The following FAM107B variants were observed in gnomAD, a reference collection of about 807,000 sequenced individuals.
FAM107B encodes the protein protein FAM107B.
FAM107B carries 21 observed loss-of-function variants against 31.5 expected under a neutral mutation model. The observed-to-expected ratio is 0.67, with a 90% CI of 0.47 to 0.96. FAM107B has a LOEUF of 0.96. Among genes scored for constraint, FAM107B ranks in the 40% least tolerant of loss-of-function variants. The pLI, the probability that FAM107B is intolerant of heterozygous loss-of-function variation, is 0.00. For synonymous variants in FAM107B, 157 were observed against 141.5 expected (o/e 1.11, Z -0.78); for missense variants, 452 against 377.1 (o/e 1.20, Z -1.64).
intron 2 of FAM107B, among the ~76,000 whole-genome samples, chr10:14,628,112 G>GTTTTTTTTTGTTTTGTTTT (rs58879328): frequency 1.1e-5 from 1 of 92,686 alleles, no homozygotes; most frequent in East Asian, 4.4e-4. Flanking sequence ...TGTTTTGCTG[G>GTTTTTTTTTGTTTTGTTTT]TTTTTTTTTT....
intron 2 of FAM107B, among the ~76,000 whole-genome samples, chr10:14,533,426 C>G (rs1407887914): frequency 2.0e-5 from 3 of 152,142 alleles, no homozygotes; most frequent in Non-Finnish European, 4.4e-5. Flanking sequence ...GCAAGTGGAT[C>G]TAGGACGTGT....
At chr10:14,738,694 A>G (rs1006669420) in intron 1 of FAM107B, among the ~76,000 whole-genome samples, 1 of 152,160 alleles carries the variant, frequency 6.6e-6, no homozygotes. Context: ...TCCAGACATT[A>G]CCCCTGACAC....
chr10:14,748,735 A>G (rs1445342958), intron 1 of FAM107B, among the ~76,000 whole-genome samples: 1 of 152,206 alleles, frequency 6.6e-6, no homozygotes, highest in Non-Finnish European at 1.5e-5. Flanking sequence ...TGGTCCCTGG[A>G]TGTCAGCCCA....
chr10:14,568,443 TC>T (rs1199811996), intron 2 of FAM107B, among the ~76,000 whole-genome samples: 4 of 20,616 alleles, frequency 1.9e-4, no homozygotes, highest in Non-Finnish European at 2.4e-4. Context: ...GTGAAGATAC[TC>T]AGGTAAGAGG....
intron 3 of FAM107B, among the ~76,000 whole-genome samples, chr10:14,525,868 A>G (rs959146661): frequency 3.3e-5 from 5 of 152,214 alleles, no homozygotes; most frequent in African/African-American, 1.2e-4. Context: ...AAAAGGCTGC[A>G]ATGATTTATA....
At chr10:14,708,457 T>C (rs1855568961) in intron 1 of FAM107B, among the ~76,000 whole-genome samples, 1 of 152,164 alleles carries the variant, frequency 6.6e-6, no homozygotes, top group African/African-American at 2.4e-5. Flanking sequence ...CAGACAGTCA[T>C]CTGCAGTGAA....
At chr10:14,748,546 A>C (rs1554755814) in intron 1 of FAM107B, among the ~76,000 whole-genome samples, 1 of 152,250 alleles carries the variant, frequency 6.6e-6, no homozygotes, top group Non-Finnish European at 1.5e-5. Context: ...CTGAATGGGA[A>C]GCTAGCAGCT....
chr10:14,558,894 GA>G (rs775963766), intron 2 of FAM107B, among the ~76,000 whole-genome samples: 4 of 150,992 alleles, frequency 2.6e-5, no homozygotes, highest in Non-Finnish European at 5.9e-5. Flanking sequence ...AAACGCAGGA[GA>G]AAAAAAAACT....
At chr10:14,589,834 TA>T (rs539498544) in intron 2 of FAM107B, among the ~76,000 whole-genome samples, 1 of 151,684 alleles carries the variant, frequency 6.6e-6, no homozygotes, top group African/African-American at 2.4e-5. Flanking sequence ...TTTTAAAAAT[TA>T]AAAAAAAGAA....
chr10:14,667,830 G>A (rs1854444804), intron 1 of FAM107B, 139 bp from the exon 2 acceptor site: 2 of 808,758 alleles, frequency 2.5e-6, no homozygotes, highest in East Asian at 5.3e-5. Context: ...AAAGAACTGA[G>A]GTTTTGGACA....
intron 1 of FAM107B, among the ~76,000 whole-genome samples, chr10:14,757,141 T>C (rs1832946860): frequency 6.6e-6 from 1 of 152,162 alleles, no homozygotes; most frequent in Non-Finnish European, 1.5e-5. Flanking sequence ...TCTGCACTTG[T>C]AACCCTAAAC....
At chr10:14,528,809 T>G (rs1846616952) in intron 3 of FAM107B, among the ~76,000 whole-genome samples, 1 of 152,214 alleles carries the variant, frequency 6.6e-6, no homozygotes, top group Non-Finnish European at 1.5e-5. Context: ...TTTACAGCAA[T>G]GACCCAAACT....
At chr10:14,648,436 C>T (rs927162009) in intron 2 of FAM107B, among the ~76,000 whole-genome samples, 14 of 152,170 alleles carry the variant, frequency 9.2e-5, no homozygotes, top group Admixed American at 2.6e-4. Flanking sequence ...TCATACCCAG[C>T]GAACTCAAGC....
intron 2 of FAM107B, among the ~76,000 whole-genome samples, chr10:14,635,662 C>T (rs1365519640): frequency 6.6e-6 from 1 of 151,964 alleles, no homozygotes; most frequent in African/African-American, 2.4e-5. Flanking sequence ...GATGCAGTCT[C>T]GTTCTGTCAC....
chr10:14,548,953 G>C (rs982393751), intron 2 of FAM107B, among the ~76,000 whole-genome samples: 2 of 152,124 alleles, frequency 1.3e-5, no homozygotes, highest in African/African-American at 4.8e-5. Flanking sequence ...TTTAGATGAG[G>C]TCATGAGGCT....
chr10:14,609,886 T>G (rs960300034), intron 2 of FAM107B, among the ~76,000 whole-genome samples: 1 of 152,170 alleles, frequency 6.6e-6, no homozygotes, highest in Non-Finnish European at 1.5e-5. Context: ...TGGAGAGGTA[T>G]CACATGCAGA....
At chr10:14,673,270 A>G (rs781465278) in intron 1 of FAM107B, among the ~76,000 whole-genome samples, 1 of 151,952 alleles carries the variant, frequency 6.6e-6, no homozygotes, top group South Asian at 2.1e-4. Flanking sequence ...TCATTAACCA[A>G]CCTCTCCCTA....
intron 1 of FAM107B, among the ~76,000 whole-genome samples, chr10:14,760,117 G>C (rs1342694501): frequency 1.3e-5 from 2 of 152,224 alleles, no homozygotes; most frequent in African/African-American, 4.8e-5. Context: ...CCACGTGGGA[G>C]AATAGGTTCC....
intron 2 of FAM107B, among the ~76,000 whole-genome samples, chr10:14,613,987 C>G (rs947800119): frequency 1.3e-5 from 2 of 151,982 alleles, no homozygotes. Context: ...AAAAATTAGT[C>G]AGGAGTGTTG....
Sources: allele counts gnomAD v4.1 joint callset (sites outside exome capture counted in the v4.1 genomes callset), GRCh38; gene constraint gnomAD v4.1.1; transcripts MANE v1.5; gene names NCBI Gene and HGNC (gene_info 2026-07-23, HGNC 2026-07-21).